The following PRPF6 variants were observed in gnomAD, a reference collection of about 807,000 sequenced individuals.
The protein encoded by PRPF6 is pre-mRNA-processing factor 6.
Under a neutral mutation model 118.3 loss-of-function variants are expected in PRPF6, and 42 were observed. The ratio of observed to expected loss-of-function variants is 0.35; its 90% CI spans 0.28 to 0.46. The LOEUF (loss-of-function observed/expected upper bound fraction) is 0.46. Ranked by LOEUF, PRPF6 falls within the 20% of genes least tolerant of loss-of-function variation. The probability of loss-of-function intolerance (pLI) is 1.00; values close to 1 mark genes in which losing one functional copy is unlikely to be tolerated. For synonymous variants in PRPF6, 481 were observed against 485.1 expected, an observed-to-expected ratio of 0.99 and a Z score of 0.11; for missense variants, 662 against 1,255.7, an observed-to-expected ratio of 0.53 and a Z score of 7.15.
chr20:63,981,448 A>G, intron 1 of PRPF6, 132 bp downstream of exon 1: 1 of 878,934 alleles, frequency 1.1e-6, no homozygotes, highest in East Asian at 2.7e-5. Context: ...TAATCCCTGC[A>G]GGAAGCAACG....
Position 64,027,002 on chromosome 20 carries a change from G to C in PRPF6, c.2049G>C (p.Lys683Asn). The stretch of plus-strand genomic sequence containing the variant: ...CACAGGTGTTCATGAAGTCTGTGAA[G>C]CTGGAGTGGGTGCAAGACAACATCA... ...PTARVFMKSV[K>N]LEWVQDNIRA... The change falls in exon 16 of 21, where the codon AAG (lysine) becomes AAC (asparagine). Residue 683 changes from lysine (K) to asparagine (N), a missense_variant. By Grantham distance (94) the Lys-to-Asn change is moderately conservative. Around this residue, in one of 10 missense-constraint regions of PRPF6, gnomAD observed 244 missense variants for 383.7 expected, o/e 0.64. Transcript: ENST00000266079. This position sits in a 1 kb window ranked among gnomAD's most constrained non-coding sequence, Gnocchi z 6.5. 1 of 1,613,988 alleles carries C rather than the reference G, an allele frequency of 6.2e-7. No individual in the cohort carries two copies. Among genetic ancestry groups the C allele is most frequent in the African/African-American group, 1.3e-5 (1 of 75,060 alleles).
At chr20:63,992,252 AATTTTT>A (rs553157501) in intron 3 of PRPF6, among the ~76,000 whole-genome samples, 236 of 151,920 alleles carry the variant, frequency 1.6e-3, no homozygotes, top group African/African-American at 5.4e-3. Context: ...ATGCCCAGCT[AATTTTT>A]ATTTTTATTT....
intron 6 of PRPF6, among the ~76,000 whole-genome samples, chr20:63,996,214 C>A (rs2059140447): frequency 6.6e-6 from 1 of 152,146 alleles, no homozygotes; most frequent in Non-Finnish European, 1.5e-5. Flanking sequence ...TGGCGGGCGC[C>A]TGTAATCCCA....
intron 14 of PRPF6, 148 bp from the exon 15 acceptor site, chr20:64,025,791 C>A: frequency 7.0e-7 from 1 of 1,432,692 alleles, no homozygotes; most frequent in Non-Finnish European, 9.7e-7. Flanking sequence ...GCTCTGTCAT[C>A]TCCTCCCTGG....
At chr20:64,009,964 A>T (rs2059208469) in intron 9 of PRPF6, among the ~76,000 whole-genome samples, 1 of 152,108 alleles carries the variant, frequency 6.6e-6, no homozygotes, top group African/African-American at 2.4e-5. Context: ...AGTCCTGTTG[A>T]TATGACCCTG....
At chr20:63,990,456 A>G (rs2059113538) in intron 3 of PRPF6, among the ~76,000 whole-genome samples, 1 of 151,790 alleles carries the variant, frequency 6.6e-6, no homozygotes, top group Non-Finnish European at 1.5e-5. Flanking sequence ...ATTAAACGTG[A>G]ATGGCATTGC....
rs143015841 is a variant in PRPF6, at chr20:64,005,528, C to T, written c.1186+4289C>T. ...GGACTTTCCTTCTTTACTGCTGTGC[C>T]CTCTGCTGTCACCCTGCTTGGTCAG... On this transcript the variant is annotated intron_variant, in intron 9 of 20. Coordinates refer to ENST00000266079, the MANE Select transcript of PRPF6 (RefSeq NM_012469.4). Among the ~76,000 whole-genome samples the T allele has an allele frequency of 3.4e-4, 52 of 152,142 alleles. No homozygotes were observed. The East Asian group carries it at 9.5e-3, about 28-fold the overall frequency.
intron 12 of PRPF6, 48 bp downstream of exon 12, chr20:64,016,893 G>T: frequency 1.2e-6 from 2 of 1,611,960 alleles, no homozygotes; most frequent in Non-Finnish European, 1.7e-6. Context: ...GTCTCTGCTT[G>T]TGGGAACAGC....
intron 1 of PRPF6, 71 bp downstream of exon 1, chr20:63,981,387 G>C: frequency 1.4e-6 from 2 of 1,440,936 alleles, no homozygotes; most frequent in Non-Finnish European, 1.9e-6. Context: ...GGCGTGTTTG[G>C]GGGCGGGGGT....
intron 6 of PRPF6, among the ~76,000 whole-genome samples, chr20:63,996,418 G>T (rs975023664): frequency 6.6e-6 from 1 of 152,094 alleles, no homozygotes. Flanking sequence ...GGGCTAAGGC[G>T]ATCCTTCCAC....
At position 63,981,167 on chromosome 20, in the gene PRPF6, C is replaced by T. The variant is rs114227570; in HGVS notation, c.-79C>T. 3,428 of 1,459,764 alleles carry T rather than the reference C, an allele frequency of 2.3e-3. 58 individuals are homozygous for T. In the African/African-American group the frequency reaches 0.04, roughly 17 times the overall value. The allele number at this position is 1,459,764 out of a possible 1,614,324, so 90.4% of individuals were successfully genotyped here. A position where few individuals can be genotyped will look rare whatever the true frequency, so the allele number is the denominator to read the frequency against. On this transcript the variant is annotated 5_prime_UTR_variant, in exon 1 of 21. Coordinates refer to ENST00000266079, the MANE Select transcript of PRPF6 (RefSeq NM_012469.4). ...CTTTGCTACGGAGTGCATCGGACGT[C>T]GAAGCCTAGAGTCTCTGCGTCTTTC... is the stretch of plus-strand genomic sequence containing the variant.
At chr20:63,985,494 C>T (rs1225043369) in intron 3 of PRPF6, among the ~76,000 whole-genome samples, 1 of 152,200 alleles carries the variant, frequency 6.6e-6, no homozygotes, top group Admixed American at 6.5e-5. Context: ...TGTTACAGAA[C>T]AGCCTTAGGG....
chr20:63,992,221 G>A (rs2059121843), intron 3 of PRPF6, among the ~76,000 whole-genome samples: 1 of 151,902 alleles, frequency 6.6e-6, no homozygotes, highest in Admixed American at 6.6e-5. Context: ...AGGTAGCTGG[G>A]GATTACAGGT....
chr20:63,993,343 G>T, intron 3 of PRPF6, 64 bp from the exon 4 acceptor site: 1 of 1,162,660 alleles, frequency 8.6e-7, no homozygotes, highest in Non-Finnish European at 1.3e-6. Flanking sequence ...AATTGAGATG[G>T]ATAATAAATT....
At chr20:63,986,512 G>A (rs1274184709) in intron 3 of PRPF6, among the ~76,000 whole-genome samples, 5 of 142,610 alleles carry the variant, frequency 3.5e-5, no homozygotes, top group Admixed American at 2.1e-4. Context: ...TTTTTGAGAC[G>A]GAGTCTCGCT....
chr20:63,999,955 C>CT (rs35446612), intron 8 of PRPF6, among the ~76,000 whole-genome samples, 196 bp downstream of exon 8: 45,365 of 145,744 alleles, frequency 0.31, 8,019 homozygotes, highest in East Asian at 0.69. Flanking sequence ...TAATCCACCA[C>CT]TTTTTTTTTT....
In PRPF6 at chr20:64,022,892, C is replaced by T. The variant is rs768679830; in HGVS notation, c.1769+14C>T. 5.6e-6 allele frequency: 9 copies of T among 1,613,828 alleles called. No homozygotes were observed. The African/African-American group carries it at 6.7e-5, about 12-fold the overall frequency. On this transcript the variant is annotated intron_variant, in intron 13 of 20. Transcript: ENST00000266079. ...CCATGGCACTCGGTATGTGGTGGGA[C>T]CCGCCTGCCCAAGGGTGCTAATGAA...
intron 11 of PRPF6, among the ~76,000 whole-genome samples, chr20:64,013,040 C>T (rs2059221714): frequency 6.7e-6 from 1 of 149,534 alleles, no homozygotes. Context: ...TCTTGGCTTA[C>T]TGCAACCTCC....
At chr20:63,994,806 C>A in intron 4 of PRPF6, 110 bp from the exon 5 acceptor site, 1 of 1,413,958 alleles carries the variant, frequency 7.1e-7, no homozygotes, top group South Asian at 1.2e-5. Flanking sequence ...ATCCAAATCC[C>A]TTCTAAAGCT....
Sources: gnomAD v4.1 joint callset for allele counts (sites outside exome capture counted in the v4.1 genomes callset) on GRCh38, gnomAD v4.1.1 for gene constraint, gnomAD v4.1.1 regional missense constraint, Gnocchi (gnomAD v3.1) non-coding constraint, MANE v1.5 for transcripts, NCBI Gene and HGNC (gene_info 2026-07-23, HGNC 2026-07-21) for gene names.